The following ABCG1 variants were observed in gnomAD, a reference collection of about 807,000 sequenced individuals.
ABCG1 encodes ATP-binding cassette sub-family G member 1.
ABCG1 carries 29 observed loss-of-function variants against 69.2 expected under a neutral mutation model. That is an observed-to-expected ratio of 0.42 (90% CI 0.31 to 0.57). The LOEUF (loss-of-function observed/expected upper bound fraction) is 0.57, where lower values mean the gene tolerates loss of function less well. ABCG1 is among the 20% of genes least tolerant of loss of function. ABCG1 has a pLI of 0.15. For synonymous variants in ABCG1, 370 were observed against 374.8 expected (o/e 0.99, Z 0.15); for missense variants, 718 against 898.1 (o/e 0.80, Z 2.56).
At chr21:42,214,231 C>T (rs932698707), upstream of ABCG1, among the ~76,000 whole-genome samples, 1 of 152,168 alleles carries the variant, frequency 6.6e-6, no homozygotes. Flanking sequence ...TAGGGTGGAG[C>T]TCTCATAAGA....
chr21:42,280,390 C>T (rs544961219), intron 5 of ABCG1, among the ~76,000 whole-genome samples: 1 of 152,360 alleles, frequency 6.6e-6, no homozygotes, highest in South Asian at 2.1e-4. Context: ...CCCTCCAGAG[C>T]CCTCCAGCAA....
At chr21:42,207,926 C>T (rs570351587) in intron 2 of ABCG1, among the ~76,000 whole-genome samples, 23 of 152,280 alleles carry the variant, frequency 1.5e-4, no homozygotes, top group South Asian at 1.0e-3. Flanking sequence ...GCAAGGTGGA[C>T]GAGGAGCTTC....
rs1411725608 is a variant in ABCG1, at chr21:42,292,595, CCACACTA to C, written c.1653+952_1653+958del. On this transcript the variant is annotated intron_variant, in intron 13 of 14. Coordinates refer to ENST00000398449, the MANE Select transcript of ABCG1 (RefSeq NM_016818.3). Reference sequence around the variant, plus strand: ...CATGCACACACACACTACACACAGACCACACTACACACTACACACCACACACTACACA... The same window carrying C: ...CATGCACACACACACTACACACAGACCACACTACACACCACACACTACACA... Among the ~76,000 whole-genome samples the C allele has an allele frequency of 6.6e-5, 10 of 151,600 alleles. No homozygotes were observed. The South Asian group carries it at 1.2e-3, about 19-fold the overall frequency.
At chr21:42,216,302 C>T (rs8126971), upstream of ABCG1, 52,658 of 329,116 alleles carry the variant, frequency 0.16, 4,603 homozygotes, top group East Asian at 0.24. Context: ...TGGAAATTAC[C>T]AGCTGTCAGC....
At chr21:42,200,477 G>A (rs1209181377) in intron 1 of ABCG1, among the ~76,000 whole-genome samples, 6 of 152,128 alleles carry the variant, frequency 3.9e-5, no homozygotes, top group Admixed American at 1.3e-4. Context: ...CATATATCAG[G>A]GGTCCCCAAA....
At chr21:42,210,049 C>T (rs1480082391) in intron 2 of ABCG1, among the ~76,000 whole-genome samples, 1 of 151,768 alleles carries the variant, frequency 6.6e-6, no homozygotes, top group Non-Finnish European at 1.5e-5. Flanking sequence ...GGCTTTGTCA[C>T]TTCCTTCGTC....
chr21:42,283,651 TCCCCCCCCACCCAAATGAGTGGGGA>T (rs2068856273), intron 6 of ABCG1, among the ~76,000 whole-genome samples: 6 of 143,698 alleles, frequency 4.2e-5, no homozygotes, highest in South Asian at 2.2e-4. Context: ...AGTTGTGAAG[TCCCCCCCCACCCAAATGAGTGGGGA>T]ACCCCCACCT....
chr21:42,230,430 G>T (rs894590218), intron 2 of ABCG1, among the ~76,000 whole-genome samples: 5 of 152,164 alleles, frequency 3.3e-5, no homozygotes, highest in African/African-American at 9.7e-5. Context: ...TATCAGCTTT[G>T]GTGCTGTCAC....
chr21:42,217,544 C>G (rs866071140), upstream of ABCG1, among the ~76,000 whole-genome samples: 6 of 152,244 alleles, frequency 3.9e-5, no homozygotes, highest in African/African-American at 1.4e-4. Context: ...TCAAGCTTTG[C>G]TGGCCTCCCT....
chr21:42,230,297 C>A (rs908206850), intron 2 of ABCG1, among the ~76,000 whole-genome samples: 2 of 152,210 alleles, frequency 1.3e-5, no homozygotes, highest in Non-Finnish European at 2.9e-5. Flanking sequence ...GTGAGAGGAA[C>A]TATTCTCAGG....
Position 42,219,324 on chromosome 21 carries a change from G to T in ABCG1, c.42+20G>T, listed in dbSNP as rs770678952. 3.6e-5 allele frequency: 57 copies of T among 1,596,644 alleles called. No homozygotes were observed. Among genetic ancestry groups the T allele is most frequent in the Non-Finnish European group, 4.6e-5 (54 of 1,174,652 alleles). ...GCCATGGTGAGTGAGCGCATCCTTC[G>T]TCCGCCGGGAACGGTTTTATTTTCA... is the stretch of plus-strand genomic sequence containing the variant. On this transcript the variant is annotated intron_variant, in intron 1 of 14. Coordinates refer to ENST00000398449, the MANE Select transcript of ABCG1 (RefSeq NM_016818.3). The surrounding 1 kb of genome is among the most constrained non-coding windows in gnomAD (Gnocchi z 5.3).
At chr21:42,207,905 T>C (rs574119097) in intron 2 of ABCG1, among the ~76,000 whole-genome samples, 3 of 152,346 alleles carry the variant, frequency 2.0e-5, no homozygotes, top group Non-Finnish European at 4.4e-5. Flanking sequence ...GGGTCTCCTG[T>C]CACCACCCCA....
intron 2 of ABCG1, chr21:42,260,171 A>G (rs1260630255): frequency 6.4e-7 from 1 of 1,550,440 alleles, no homozygotes; most frequent in Non-Finnish European, 8.7e-7. Flanking sequence ...TCTCGGGTGA[A>G]GCTGGTCACG....
In ABCG1 at chr21:42,296,421, T is replaced by G; in HGVS notation, c.*29T>G. 1.3e-6 allele frequency: 2 copies of G among 1,592,420 alleles called. No homozygotes were observed. Among genetic ancestry groups the G allele is most frequent in the Non-Finnish European group, 1.7e-6 (2 of 1,165,734 alleles). ...ACCTGAATGCCAGGAAACAGGAAGA[T>G]TAGACACTGTGGCCGAGGGCACGTC... On this transcript the variant is annotated 3_prime_UTR_variant, in exon 15 of 15. Transcript: ENST00000398449. The surrounding 1 kb of genome is among the most constrained non-coding windows in gnomAD (Gnocchi z 5.4).
At chr21:42,206,997 G>T (rs930900526) in intron 2 of ABCG1, 1 of 151,222 alleles carries the variant, frequency 6.6e-6, no homozygotes, top group African/African-American at 2.4e-5. Flanking sequence ...GTAAGGTATT[G>T]TTTCTCTCTC....
chr21:42,235,085 C>T (rs1434649944), intron 2 of ABCG1, among the ~76,000 whole-genome samples: 3 of 152,170 alleles, frequency 2.0e-5, no homozygotes, highest in African/African-American at 7.2e-5. Flanking sequence ...ATCCCGGCGC[C>T]CCGCGCGTGC....
At chr21:42,293,317 GTACACACTACACACCACAC>G (rs1569243034) in intron 13 of ABCG1, among the ~76,000 whole-genome samples, 6 of 61,268 alleles carry the variant, frequency 9.8e-5, no homozygotes, top group Non-Finnish European at 3.2e-5. Flanking sequence ...ACACCACACA[GTACACACTACACACCACAC>G]TACACACTAC....
intron 13 of ABCG1, among the ~76,000 whole-genome samples, chr21:42,293,325 T>C (rs1372299807): frequency 4.0e-4 from 25 of 62,878 alleles, no homozygotes; most frequent in East Asian, 5.6e-4. Flanking sequence ...CAGTACACAC[T>C]ACACACCACA....
At chr21:42,267,738 T>C (rs1325250285) in intron 2 of ABCG1, among the ~76,000 whole-genome samples, 2 of 150,630 alleles carry the variant, frequency 1.3e-5, no homozygotes, top group Admixed American at 6.6e-5. Flanking sequence ...CTGGGTTCTG[T>C]CTCGGTGTGG....
Sources: allele counts gnomAD v4.1 joint callset (sites outside exome capture counted in the v4.1 genomes callset), GRCh38; gene constraint gnomAD v4.1.1; non-coding constraint Gnocchi (gnomAD v3.1); transcripts MANE v1.5; gene names NCBI Gene and HGNC (gene_info 2026-07-23, HGNC 2026-07-21).